The following LDLRAD3 variants were observed in gnomAD, a reference collection of about 807,000 sequenced individuals.
The protein encoded by LDLRAD3 is low-density lipoprotein receptor class A domain-containing protein 3.
A neutral mutation model predicts 29.4 loss-of-function variants in LDLRAD3; 20 were observed. The observed-to-expected ratio is 0.68, with a 90% CI of 0.48 to 0.99. The LOEUF is 0.99. Among genes scored for constraint, LDLRAD3 ranks in the 50% least tolerant of loss-of-function variants. The pLI is 0.00. For missense variants in LDLRAD3, 420 were observed against 454.3 expected, an observed-to-expected ratio of 0.92 and a Z score of 0.69; for synonymous variants, 157 against 192.7, an observed-to-expected ratio of 0.81 and a Z score of 1.53.
intron 4 of LDLRAD3, among the ~76,000 whole-genome samples, chr11:36,208,622 T>C (rs1400755540): frequency 6.6e-6 from 1 of 152,206 alleles, no homozygotes; most frequent in Non-Finnish European, 1.5e-5. Flanking sequence ...CCCATTCAAA[T>C]AATATTGGGT....
intron 1 of LDLRAD3, among the ~76,000 whole-genome samples, chr11:36,003,168 G>T (rs1296273749): frequency 6.6e-6 from 1 of 152,198 alleles, no homozygotes; most frequent in Non-Finnish European, 1.5e-5. Context: ...GGGTGATCTG[G>T]CTGTGACAGG....
intron 4 of LDLRAD3, among the ~76,000 whole-genome samples, chr11:36,210,872 A>G (rs1227603569): frequency 6.6e-6 from 1 of 152,240 alleles, no homozygotes; most frequent in Non-Finnish European, 1.5e-5. Flanking sequence ...CAAAAAGCAA[A>G]AGAGCTAATG....
intron 1 of LDLRAD3, 112 bp from the exon 2 acceptor site, chr11:36,035,991 T>TCTC: frequency 9.9e-7 from 1 of 1,008,666 alleles, no homozygotes; most frequent in South Asian, 1.7e-5. Flanking sequence ...GTCAGAGAGG[T>TCTC]TGAGTCATCT....
At chr11:35,946,243 T>TTG (rs1851055170) in intron 1 of LDLRAD3, among the ~76,000 whole-genome samples, 1 of 152,194 alleles carries the variant, frequency 6.6e-6, no homozygotes, top group Admixed American at 6.5e-5. Flanking sequence ...TGGCCTATGC[T>TTG]TGGATCCTCT....
At chr11:36,000,049 G>A (rs1015833661) in intron 1 of LDLRAD3, among the ~76,000 whole-genome samples, 3 of 152,078 alleles carry the variant, frequency 2.0e-5, no homozygotes, top group African/African-American at 7.2e-5. Flanking sequence ...ATCCAGCAAC[G>A]AAAATGAATA....
intron 2 of LDLRAD3, among the ~76,000 whole-genome samples, chr11:36,061,343 G>A (rs1435611773): frequency 6.6e-6 from 1 of 152,142 alleles, no homozygotes; most frequent in African/African-American, 2.4e-5. Context: ...GTTTCACCAT[G>A]TTGGTCAGGC....
intron 4 of LDLRAD3, among the ~76,000 whole-genome samples, chr11:36,181,700 C>T (rs541558361): frequency 1.1e-4 from 16 of 152,244 alleles, no homozygotes; most frequent in African/African-American, 1.9e-4. Context: ...AATACACTGC[C>T]GTATTTCTAA....
intron 1 of LDLRAD3, among the ~76,000 whole-genome samples, chr11:35,987,460 T>A (rs1340235716): frequency 1.3e-5 from 2 of 152,222 alleles, no homozygotes; most frequent in East Asian, 3.8e-4. Context: ...CATGTTTATG[T>A]CCATGAATAC....
At chr11:36,005,541 A>G (rs1851873700) in intron 1 of LDLRAD3, among the ~76,000 whole-genome samples, 1 of 152,158 alleles carries the variant, frequency 6.6e-6, no homozygotes, top group Non-Finnish European at 1.5e-5. Context: ...GAAGTTCCAA[A>G]CTTTCCCACA....
intron 1 of LDLRAD3, among the ~76,000 whole-genome samples, chr11:36,009,586 G>A (rs1218304228): frequency 6.6e-6 from 1 of 152,130 alleles, no homozygotes; most frequent in Non-Finnish European, 1.5e-5. Flanking sequence ...GGAAAGAATG[G>A]GTTTCCCACC....
intron 4 of LDLRAD3, among the ~76,000 whole-genome samples, chr11:36,128,852 GA>G (rs11347605): frequency 0.14 from 20,024 of 139,410 alleles, 1,449 homozygotes; most frequent in East Asian, 0.23. Flanking sequence ...GTGTCTCAAG[GA>G]AAAAAAAAAA....
rs187853470 is a variant in LDLRAD3, at chr11:35,992,789, A to C, written c.47-43314A>C. The stretch of plus-strand genomic sequence containing the variant: ...TAAAATTGATTGTGGTGATGGTTGC[A>C]CAACTCTGCATATACCAAAAGCCAT... On this transcript the variant is annotated intron_variant, in intron 1 of 5. Coordinates refer to ENST00000315571, the MANE Select transcript of LDLRAD3 (RefSeq NM_174902.4). 6.6e-5 allele frequency among the ~76,000 whole-genome samples: 10 copies of C among 152,314 alleles called. No individual in the cohort carries two copies. In the East Asian group the frequency reaches 1.9e-3, roughly 29 times the overall value.
At chr11:36,105,234 T>TGA (rs1334430983) in intron 4 of LDLRAD3, among the ~76,000 whole-genome samples, 22 of 147,316 alleles carry the variant, frequency 1.5e-4, no homozygotes, top group African/African-American at 5.2e-4. Flanking sequence ...TGTGTGTGTG[T>TGA]GTGTGAGAGA....
rs751965155 is a variant in LDLRAD3 at position 36,191,538 on chromosome 11, GTCTCTC to G, written c.455-35513_455-35508del. ...AGCCTGGGTGACAGAGCAAGACCCT[GTCTCTC>G]TCTCTCTCTCTCTCTCTCTCTCTCT... On this transcript the variant is annotated intron_variant, in intron 4 of 5. Coordinates refer to ENST00000315571, the MANE Select transcript of LDLRAD3 (RefSeq NM_174902.4). Among the ~76,000 whole-genome samples, 299 of 55,638 alleles carry G rather than the reference GTCTCTC, an allele frequency of 5.4e-3. 1 individual carries two copies. The highest frequency in any genetic ancestry group is 9.5e-3 in the African/African-American group (122 of 12,910). 36.5% of individuals were successfully genotyped at this position (55,638 alleles called of 152,430 possible). A position where few individuals can be genotyped will look rare whatever the true frequency, so the allele number is the denominator to read the frequency against.
chr11:36,124,937 C>T (rs1853814579), intron 4 of LDLRAD3, among the ~76,000 whole-genome samples: 1 of 152,140 alleles, frequency 6.6e-6, no homozygotes, highest in South Asian at 2.1e-4. Flanking sequence ...AGTGATCTGC[C>T]TGCCTTGACC....
chr11:35,963,871 T>A (rs1055728345), intron 1 of LDLRAD3, among the ~76,000 whole-genome samples: 1 of 152,172 alleles, frequency 6.6e-6, no homozygotes, highest in Non-Finnish European at 1.5e-5. Flanking sequence ...GAAGAATTTA[T>A]GAAAAGAGGG....
chr11:36,129,465 T>G (rs1565243738), intron 4 of LDLRAD3, among the ~76,000 whole-genome samples: 1 of 152,104 alleles, frequency 6.6e-6, no homozygotes, highest in Non-Finnish European at 1.5e-5. Flanking sequence ...CTAGGAATGG[T>G]CCTGTCCCAG....
chr11:36,077,228 C>G (rs548922763), intron 2 of LDLRAD3, among the ~76,000 whole-genome samples: 6 of 152,310 alleles, frequency 3.9e-5, no homozygotes, highest in African/African-American at 1.2e-4. Context: ...TAACCAATCT[C>G]TTTAGTTTCT....
intron 4 of LDLRAD3, among the ~76,000 whole-genome samples, chr11:36,181,247 A>ATT (rs1352806992): frequency 1.3e-5 from 2 of 151,208 alleles, no homozygotes; most frequent in African/African-American, 4.9e-5. Flanking sequence ...AAAAAAAAAA[A>ATT]TCTAAGAATT....
Sources: allele counts gnomAD v4.1 joint callset (sites outside exome capture counted in the v4.1 genomes callset), GRCh38; gene constraint gnomAD v4.1.1; transcripts MANE v1.5; gene names NCBI Gene and HGNC (gene_info 2026-07-23, HGNC 2026-07-21).